The following C3orf20 variants were observed in gnomAD, a reference collection of about 807,000 sequenced individuals.
C3orf20 encodes family with sequence similarity 149 member C.
C3orf20 carries 76 observed loss-of-function variants against 88.3 expected under a neutral mutation model. That is an observed-to-expected ratio of 0.86 (90% CI 0.72 to 1.04). The LOEUF (loss-of-function observed/expected upper bound fraction) is 1.04, where lower values mean the gene tolerates loss of function less well. Ranked by LOEUF, C3orf20 falls within the 50% of genes least tolerant of loss-of-function variation. The probability of loss-of-function intolerance (pLI) is 0.00; values close to 1 mark genes in which losing one functional copy is unlikely to be tolerated. For synonymous variants in C3orf20, 436 were observed against 437.4 expected (o/e 1.00, Z 0.04); for missense variants, 1,056 against 1,123.3 (o/e 0.94, Z 0.86).
At chr3:14,710,366 T>C (rs2033690854) in intron 7 of C3orf20, among the ~76,000 whole-genome samples, 1 of 152,102 alleles carries the variant, frequency 6.6e-6, no homozygotes, top group Non-Finnish European at 1.5e-5. Flanking sequence ...TGATTCTTTA[T>C]TGCTTTCTTC....
intron 4 of C3orf20, among the ~76,000 whole-genome samples, chr3:14,686,198 G>GTGTGTGTGTGTA (rs1196767802): frequency 6.6e-6 from 1 of 152,022 alleles, no homozygotes; most frequent in Non-Finnish European, 1.5e-5. Flanking sequence ...ATATTCGTGT[G>GTGTGTGTGTGTA]TGTGTGTGTG....
At chr3:14,691,174 G>A (rs1376756342) in intron 5 of C3orf20, among the ~76,000 whole-genome samples, 1 of 152,214 alleles carries the variant, frequency 6.6e-6, no homozygotes, top group Non-Finnish European at 1.5e-5. Flanking sequence ...TAAAGGAGCT[G>A]ACCTCCTCCT....
intron 9 of C3orf20, among the ~76,000 whole-genome samples, chr3:14,716,198 T>G (rs2033935687): frequency 6.6e-6 from 1 of 152,144 alleles, no homozygotes; most frequent in Admixed American, 6.5e-5. Flanking sequence ...GGGGCAAAAT[T>G]GCCCCCAGTT....
chr3:14,716,713 C>G (rs1036259628), intron 9 of C3orf20, among the ~76,000 whole-genome samples: 2 of 152,206 alleles, frequency 1.3e-5, no homozygotes, highest in Non-Finnish European at 2.9e-5. Context: ...TTCTATCTTC[C>G]CACAGTGCAC....
chr3:14,761,489 A>T lies in C3orf20; in HGVS notation c.2369A>T (p.Lys790Met), dbSNP rs754783442. 1.9e-6 allele frequency: 3 copies of T among 1,613,854 alleles called. No homozygotes were observed. The highest frequency in any genetic ancestry group is 3.3e-5 in the Admixed American group (2 of 60,000). The change falls in exon 15 of 17, where the codon AAG becomes ATG. Residue 790 changes from lysine (K) to methionine (M), a missense_variant. Transcript: ENST00000253697. ...TGTCAACAGATGTTTGCCGGGGGGA[A>T]GCTCATTTTTGGGGGCCGTGTTTTG... ...QGMILMFAGG[K>M]LIFGGRVLNG... is the part of the protein sequence containing the mutation.
intron 5 of C3orf20, among the ~76,000 whole-genome samples, chr3:14,695,247 C>T (rs1285875140): frequency 2.0e-5 from 3 of 152,154 alleles, no homozygotes; most frequent in African/African-American, 7.2e-5. Flanking sequence ...TTCACTGACC[C>T]ACTGGTCATT....
At position 14,683,984 on chromosome 3, in the gene C3orf20, G is replaced by C. The variant is rs145240169; in HGVS notation, c.485-258G>C. Among the ~76,000 whole-genome samples, 32 of 152,044 alleles carry C rather than the reference G, an allele frequency of 2.1e-4. No individual in the cohort carries two copies. The East Asian group carries it at 5.4e-3, about 26-fold the overall frequency. ...CCAGTGATGGAGCCTTCTGGATGCT[G>C]CATCATTTCAGAAACCAATAGCATC... On this transcript the variant is annotated intron_variant, in intron 3 of 16. Coordinates refer to ENST00000253697, the MANE Select transcript of C3orf20 (RefSeq NM_032137.5).
intron 14 of C3orf20, among the ~76,000 whole-genome samples, chr3:14,760,751 A>G (rs1285690907): frequency 2.0e-5 from 3 of 151,850 alleles, no homozygotes; most frequent in African/African-American, 7.3e-5. Flanking sequence ...CTGGGACTAC[A>G]GGTTCCCACC....
intron 10 of C3orf20, among the ~76,000 whole-genome samples, chr3:14,724,545 A>G (rs1389953958): frequency 6.6e-6 from 1 of 152,246 alleles, no homozygotes. Context: ...ACACATGGCA[A>G]TTGAGCCCTT....
chr3:14,722,089 G>A, intron 10 of C3orf20: 1 of 324,394 alleles, frequency 3.1e-6, no homozygotes, highest in South Asian at 3.8e-5. Context: ...GGCATGGCTG[G>A]ATCCAGGCCC....
At position 14,757,372 on chromosome 3, in the gene C3orf20, G is replaced by A; in HGVS notation, c.1942G>A (p.Gly648Arg). ...IHTKAKVTSR[G>R]KAREGRSPTR... is the part of the protein sequence containing the mutation. ...TGTGCACTGTGCTCCTCCTTGCAGA[G>A]GGAAGGCCCGCGAGGGGCGCAGCCC... Residue 648 changes from glycine to arginine, a missense_variant and splice_region_variant, in exon 13 of 17, where the codon GGG becomes AGG. Gly to Arg is a moderately radical substitution (Grantham distance 125). Coordinates refer to ENST00000253697, the MANE Select transcript of C3orf20 (RefSeq NM_032137.5). 1 of 1,610,400 alleles carries A rather than the reference G, an allele frequency of 6.2e-7. No homozygotes were observed. The highest frequency in any genetic ancestry group is 8.5e-7 in the Non-Finnish European group (1 of 1,179,144).
chr3:14,702,376 T>G (rs911722612), intron 5 of C3orf20, among the ~76,000 whole-genome samples: 2 of 151,390 alleles, frequency 1.3e-5, no homozygotes, highest in Non-Finnish European at 2.9e-5. Flanking sequence ...AAGATTTGGG[T>G]AGGGACACAG....
Position 14,768,671 on chromosome 3 carries a change from G to C in C3orf20, c.2496-3396G>C, listed in dbSNP as rs1185945735. Among the ~76,000 whole-genome samples, 2 of 151,972 alleles carry C rather than the reference G, an allele frequency of 1.3e-5. No individual in the cohort carries two copies. The highest frequency in any genetic ancestry group is 2.9e-5 in the Non-Finnish European group (2 of 68,020). On this transcript the variant is annotated intron_variant, in intron 15 of 16. Transcript: ENST00000253697. The surrounding 1 kb of genome is among the most constrained non-coding windows in gnomAD (Gnocchi z 4.1). ...CTTTTCTGGACTGGGGCCTGAGGGG[G>C]CGCTGAGTAGAGAGAAATTACCTTC...
At chr3:14,766,383 G>C (rs1314579492) in intron 15 of C3orf20, among the ~76,000 whole-genome samples, 2 of 152,196 alleles carry the variant, frequency 1.3e-5, no homozygotes, top group Non-Finnish European at 1.5e-5. Context: ...GACTGAGGGA[G>C]CTCTGACACC....
chr3:14,677,253 A>C (rs994193148), intron 1 of C3orf20, among the ~76,000 whole-genome samples: 1 of 152,194 alleles, frequency 6.6e-6, no homozygotes, highest in Non-Finnish European at 1.5e-5. Flanking sequence ...TGACCAAAAA[A>C]TGTGTTCTGA....
intron 10 of C3orf20, chr3:14,722,035 A>G (rs2034183497): frequency 2.3e-6 from 1 of 438,488 alleles, no homozygotes; most frequent in Non-Finnish European, 4.1e-6. Context: ...AAAAAAGAAT[A>G]TAGTGGCTCA....
At position 14,727,019 on chromosome 3, in the gene C3orf20, C is replaced by T. The variant is rs776843185; in HGVS notation, c.1685C>T (p.Ala562Val). Residue 562 changes from alanine to valine, a missense_variant, in exon 11 of 17, where the codon GCC (alanine) becomes GTC (valine). Ala to Val is a moderately conservative substitution (Grantham distance 64, BLOSUM62 0). Transcript: ENST00000253697. The part of the protein sequence containing the change: ...VTQFINSILL[A>V]AGLFTIEYPT... Reference sequence around the variant, plus strand: ...CAGTTCATTAATTCTATCTTGCTGGCCGCAGGTAAGGAGGCTGAAAGGTGG... The same window carrying T: ...CAGTTCATTAATTCTATCTTGCTGGTCGCAGGTAAGGAGGCTGAAAGGTGG... 1 of 1,614,128 alleles carries T rather than the reference C, an allele frequency of 6.2e-7. No homozygotes were observed. Among genetic ancestry groups the T allele is most frequent in the South Asian group, 1.1e-5 (1 of 91,078 alleles).
chr3:14,758,773 C>G (rs1357973918), intron 13 of C3orf20, among the ~76,000 whole-genome samples: 1 of 152,206 alleles, frequency 6.6e-6, no homozygotes, highest in Non-Finnish European at 1.5e-5. Context: ...TGAGCAGACA[C>G]CAGTAGCCCT....
chr3:14,737,673 TAAAAG>T (rs1392316586), intron 12 of C3orf20, among the ~76,000 whole-genome samples: 1 of 152,242 alleles, frequency 6.6e-6, no homozygotes, highest in East Asian at 1.9e-4. Flanking sequence ...GGTAATTTCT[TAAAAG>T]AAGACAGCAA....
Sources: gnomAD v4.1 joint callset for allele counts (sites outside exome capture counted in the v4.1 genomes callset) on GRCh38, gnomAD v4.1.1 for gene constraint, Gnocchi (gnomAD v3.1) non-coding constraint, MANE v1.5 for transcripts, NCBI Gene and HGNC (gene_info 2026-07-23, HGNC 2026-07-21) for gene names.